The following ATAD2B variants were observed in gnomAD, a reference collection of about 807,000 sequenced individuals.
ATAD2B encodes the protein ATPase family AAA domain-containing protein 2B.
Under a neutral mutation model 167.6 loss-of-function variants are expected in ATAD2B, and 40 were observed. The ratio of observed to expected loss-of-function variants is 0.24; its 90% CI spans 0.19 to 0.31. The LOEUF (loss-of-function observed/expected upper bound fraction) is 0.31, where lower values mean the gene tolerates loss of function less well. Among genes scored for constraint, ATAD2B ranks in the 10% least tolerant of loss-of-function variants. The pLI is 1.00. For missense variants in ATAD2B, 1,242 were observed against 1,757.2 expected (o/e 0.71, Z 5.24); for synonymous variants, 579 against 596.5 (o/e 0.97, Z 0.43).
At chr2:23,722,150 T>C in the ATAD2B span, among the ~76,000 whole-genome samples, 24 of 152,192 alleles carry the variant, frequency 1.6e-4, no homozygotes, top group African/African-American at 5.8e-4. Context: ...GCAACTTTTC[T>C]ACTAGATCCA....
intron 7 of ATAD2B, among the ~76,000 whole-genome samples, chr2:23,877,479 G>A (rs1019609623): frequency 7.9e-6 from 1 of 125,820 alleles, no homozygotes; most frequent in Admixed American, 8.4e-5. Flanking sequence ...AGGTGACAGA[G>A]CAAGAAGGAA....
At chr2:23,836,651 C>T (rs556291168) in intron 13 of ATAD2B, among the ~76,000 whole-genome samples, 37 of 152,236 alleles carry the variant, frequency 2.4e-4, no homozygotes, top group Non-Finnish European at 4.6e-4. Context: ...CTCCTCTCTA[C>T]AGGCAGGTCG....
chr2:23,771,804 A>G (rs1376345296), intron 22 of ATAD2B, among the ~76,000 whole-genome samples: 1 of 152,178 alleles, frequency 6.6e-6, no homozygotes, highest in Non-Finnish European at 1.5e-5. Context: ...TTTCTCACAC[A>G]TATGCACTAA....
At chr2:23,707,470 G>C in the ATAD2B span, 2 of 152,254 alleles carry the variant, frequency 1.3e-5, no homozygotes, top group Non-Finnish European at 2.9e-5. Flanking sequence ...CTCTTTGTAG[G>C]TAGTGCCAGA....
chr2:23,801,396 C>T (rs1292908277), intron 18 of ATAD2B, among the ~76,000 whole-genome samples: 1 of 151,924 alleles, frequency 6.6e-6, no homozygotes, highest in Non-Finnish European at 1.5e-5. Context: ...GAAGCGGCAA[C>T]TGGCTTGGGA....
intron 22 of ATAD2B, among the ~76,000 whole-genome samples, chr2:23,781,064 C>T (rs1414627332): frequency 6.6e-6 from 1 of 151,874 alleles, no homozygotes; most frequent in African/African-American, 2.4e-5. Flanking sequence ...TCCTGACAGC[C>T]AGGAGTTGGC....
chr2:23,889,892 C>A (rs997657692), intron 2 of ATAD2B, among the ~76,000 whole-genome samples: 4 of 151,334 alleles, frequency 2.6e-5, no homozygotes, highest in African/African-American at 9.7e-5. Flanking sequence ...GCACTCCAGC[C>A]CAGGTGACAG....
chr2:23,884,642 C>A (rs546934170), intron 6 of ATAD2B, 123 bp downstream of exon 6: 6 of 478,902 alleles, frequency 1.3e-5, no homozygotes, highest in Admixed American at 1.2e-4. Context: ...TCAAATTATA[C>A]AATATAGACC....
At chr2:23,747,908 T>C (rs1674984798), downstream of ATAD2B, among the ~76,000 whole-genome samples, 1 of 152,144 alleles carries the variant, frequency 6.6e-6, no homozygotes, top group South Asian at 2.1e-4. Context: ...AAACTAAAAC[T>C]AGATAAATAA....
intron 7 of ATAD2B, among the ~76,000 whole-genome samples, chr2:23,876,981 C>A (rs2150160512): frequency 6.7e-6 from 1 of 149,978 alleles, no homozygotes; most frequent in South Asian, 2.1e-4. Flanking sequence ...GCAGAAGAAT[C>A]GCTTGAACCT....
intron 17 of ATAD2B, among the ~76,000 whole-genome samples, chr2:23,812,129 A>C (rs1685691659): frequency 6.6e-6 from 1 of 152,066 alleles, no homozygotes; most frequent in Non-Finnish European, 1.5e-5. Flanking sequence ...AGAAAGCAAA[A>C]AGGGAAAAAA....
intron 24 of ATAD2B, among the ~76,000 whole-genome samples, chr2:23,759,274 A>G (rs1313909822): frequency 1.3e-5 from 2 of 152,206 alleles, no homozygotes; most frequent in Non-Finnish European, 2.9e-5. Context: ...TGTTTAATAC[A>G]TCAAAGCTGA....
intron 17 of ATAD2B, among the ~76,000 whole-genome samples, chr2:23,813,728 G>C (rs1447053940): frequency 6.6e-6 from 1 of 152,072 alleles, no homozygotes; most frequent in African/African-American, 2.4e-5. Flanking sequence ...CTGGGTGACA[G>C]AATGAGACCT....
At chr2:23,684,625 T>C in the ATAD2B span, 2 of 1,240,556 alleles carry the variant, frequency 1.6e-6, no homozygotes, top group Non-Finnish European at 2.2e-6. This position sits in a 1 kb window ranked among gnomAD's most constrained non-coding sequence, Gnocchi z 4.4. Context: ...TGCAGGTTCC[T>C]GAAGCGTGAC....
chr2:23,744,054 T>C (rs1007410920), downstream of ATAD2B, among the ~76,000 whole-genome samples: 1 of 152,096 alleles, frequency 6.6e-6, no homozygotes. Context: ...ATAGACACAA[T>C]AATGCAAATA....
chr2:23,695,090 G>T, the ATAD2B span, among the ~76,000 whole-genome samples: 1 of 152,168 alleles, frequency 6.6e-6, no homozygotes, highest in African/African-American at 2.4e-5. This position sits in a 1 kb window ranked among gnomAD's most constrained non-coding sequence, Gnocchi z 7.6. Flanking sequence ...CAGGGTGACA[G>T]TTTGAGGCCG....
At chr2:23,702,195 G>A in the ATAD2B span, among the ~76,000 whole-genome samples, 1 of 152,086 alleles carries the variant, frequency 6.6e-6, no homozygotes, top group African/African-American at 2.4e-5. Flanking sequence ...TGATGATGGG[G>A]TTATGTCCTG....
chr2:23,872,560 T>A (rs986018332), intron 8 of ATAD2B: 1 of 1,067,930 alleles, frequency 9.4e-7, no homozygotes, highest in Non-Finnish European at 1.4e-6. Flanking sequence ...CACAGGAGGG[T>A]AGCTGATCCT....
At chr2:23,834,149 TTTC>T (rs1689519892) in intron 13 of ATAD2B, 71 bp from the exon 14 acceptor site, 22 of 665,178 alleles carry the variant, frequency 3.3e-5, no homozygotes, top group African/African-American at 2.9e-4. Context: ...TTTATCAGTC[TTTC>T]TTTTTTTTTT....
Sources: gnomAD v4.1 joint callset for allele counts (sites outside exome capture counted in the v4.1 genomes callset) on GRCh38, gnomAD v4.1.1 for gene constraint, Gnocchi (gnomAD v3.1) non-coding constraint, MANE v1.5 for transcripts, NCBI Gene and HGNC (gene_info 2026-07-23, HGNC 2026-07-21) for gene names.